ARHGAP10: variants seen among roughly 807,000 people sequenced by gnomAD.
ARHGAP10 encodes rho GTPase-activating protein 10.
In ARHGAP10, 87 loss-of-function variants were observed where a neutral mutation model predicts 108.6. The observed-to-expected ratio is 0.80, with a 90% CI of 0.67 to 0.96. The LOEUF is 0.96. Among genes scored for constraint, ARHGAP10 ranks in the 40% least tolerant of loss-of-function variants. The pLI, the probability that ARHGAP10 is intolerant of heterozygous loss-of-function variation, is 0.00. For missense variants in ARHGAP10, 939 were observed against 954.5 expected, an observed-to-expected ratio of 0.98 and a Z score of 0.21; for synonymous variants, 347 against 341.1, an observed-to-expected ratio of 1.02 and a Z score of -0.19.
chr4:147,960,459 G>A (rs1738950167), intron 16 of ARHGAP10, among the ~76,000 whole-genome samples: 1 of 152,030 alleles, frequency 6.6e-6, no homozygotes, highest in Non-Finnish European at 1.5e-5. Context: ...ATGGTAAGGT[G>A]TTCCATTTAA....
intron 18 of ARHGAP10, among the ~76,000 whole-genome samples, chr4:147,994,481 C>T (rs1740398652): frequency 1.3e-5 from 2 of 152,152 alleles, no homozygotes; most frequent in South Asian, 2.1e-4. Flanking sequence ...AAGTAAATCT[C>T]TAAAGTAGTT....
chr4:147,870,976 T>TGTGTGTGTGTGTG (rs1734796441), intron 7 of ARHGAP10, among the ~76,000 whole-genome samples: 2 of 93,048 alleles, frequency 2.1e-5, no homozygotes, highest in African/African-American at 4.0e-5. Flanking sequence ...GTGTGTGTGT[T>TGTGTGTGTGTGTG]TGAGATGGAG....
chr4:147,999,477 C>T (rs983336022), intron 18 of ARHGAP10, among the ~76,000 whole-genome samples: 2 of 152,242 alleles, frequency 1.3e-5, no homozygotes, highest in Non-Finnish European at 2.9e-5. Flanking sequence ...CCACCACTGA[C>T]TTCCATCCCT....
At chr4:147,741,792 G>GCGCACA (rs984531598) in intron 1 of ARHGAP10, among the ~76,000 whole-genome samples, 12 of 57,576 alleles carry the variant, frequency 2.1e-4, no homozygotes, top group African/African-American at 4.1e-4. Context: ...ACACACACAC[G>GCGCACA]CACACACACA....
chr4:147,960,048 C>T (rs1454825609), intron 16 of ARHGAP10, among the ~76,000 whole-genome samples: 3 of 152,124 alleles, frequency 2.0e-5, no homozygotes, highest in Non-Finnish European at 2.9e-5. Context: ...TTTGCAGAGT[C>T]TCTGCTTTAA....
chr4:148,055,797 T>C (rs1729337908), intron 20 of ARHGAP10, among the ~76,000 whole-genome samples: 1 of 152,168 alleles, frequency 6.6e-6, no homozygotes, highest in Non-Finnish European at 1.5e-5. Context: ...GATGATCTTA[T>C]ACAGTTGAAG....
chr4:147,816,147 A>T (rs563606637), intron 1 of ARHGAP10, among the ~76,000 whole-genome samples: 24 of 152,078 alleles, frequency 1.6e-4, no homozygotes, highest in Non-Finnish European at 2.9e-4. Context: ...TCCCATCCTG[A>T]TGTGGCAGGT....
At chr4:147,933,163 T>C (rs1260234609) in intron 13 of ARHGAP10, among the ~76,000 whole-genome samples, 1 of 152,244 alleles carries the variant, frequency 6.6e-6, no homozygotes, top group Non-Finnish European at 1.5e-5. Flanking sequence ...GGTTGGTCTC[T>C]GGTGCCTTAT....
chr4:147,820,783 G>T (rs1030736844), intron 1 of ARHGAP10, among the ~76,000 whole-genome samples: 3 of 151,708 alleles, frequency 2.0e-5, no homozygotes, highest in Non-Finnish European at 4.4e-5. Context: ...TAGAGATAGG[G>T]TTTCACCATG....
At position 147,966,661 on chromosome 4, in the gene ARHGAP10, C is replaced by A. The variant is rs1324830655; in HGVS notation, c.1557-19C>A. ...TGCTCCTTTGGTTAAACAGATTCCT[C>A]CCCCCTTACCAATTTCAGTGTTTCA... On this transcript the variant is annotated intron_variant, in intron 17 of 22. Transcript: ENST00000336498. 2 of 1,538,062 alleles carry A rather than the reference C, an allele frequency of 1.3e-6. No homozygotes were observed. The highest frequency in any genetic ancestry group is 8.8e-7 in the Non-Finnish European group (1 of 1,133,536).
intron 10 of ARHGAP10, among the ~76,000 whole-genome samples, chr4:147,895,059 G>A (rs1735933055): frequency 6.6e-6 from 1 of 151,996 alleles, no homozygotes; most frequent in Non-Finnish European, 1.5e-5. Context: ...GGTCAATATT[G>A]TGAATATAGA....
chr4:147,988,601 G>T (rs1740132887), intron 18 of ARHGAP10, among the ~76,000 whole-genome samples: 1 of 152,202 alleles, frequency 6.6e-6, no homozygotes, highest in Admixed American at 6.5e-5. Context: ...ACACCAAAAA[G>T]TGTACACTTT....
At chr4:147,863,787 C>T (rs1734425690) in intron 5 of ARHGAP10, 1 of 152,172 alleles carries the variant, frequency 6.6e-6, no homozygotes, top group African/African-American at 2.4e-5. Context: ...AGCTTAGTAA[C>T]ACGTTATGTT....
intron 18 of ARHGAP10, among the ~76,000 whole-genome samples, chr4:147,998,316 G>A (rs1740560060): frequency 1.3e-5 from 2 of 152,136 alleles, no homozygotes; most frequent in Admixed American, 6.5e-5. Context: ...AAATCTGAAT[G>A]AAGTTAGTGA....
intron 8 of ARHGAP10, among the ~76,000 whole-genome samples, chr4:147,878,887 C>G (rs537234606): frequency 6.6e-6 from 1 of 151,786 alleles, no homozygotes; most frequent in South Asian, 2.1e-4. Context: ...CACCATTCTC[C>G]TGCCTCAGCC....
chr4:147,865,167 C>G, intron 6 of ARHGAP10: 1 of 447,732 alleles, frequency 2.2e-6, no homozygotes, highest in Non-Finnish European at 4.0e-6. Flanking sequence ...TGATAATACA[C>G]GTAATATTCC....
chr4:148,019,901 A>G (rs1741500093), intron 18 of ARHGAP10, among the ~76,000 whole-genome samples: 1 of 152,192 alleles, frequency 6.6e-6, no homozygotes, highest in Non-Finnish European at 1.5e-5. Flanking sequence ...ATGATAGCTT[A>G]GCTTTCTGAA....
chr4:148,033,287 C>G (rs1397965322), intron 19 of ARHGAP10, among the ~76,000 whole-genome samples: 1 of 152,196 alleles, frequency 6.6e-6, no homozygotes, highest in Non-Finnish European at 1.5e-5. Context: ...CAAACACAGT[C>G]AGATGATGCA....
At chr4:148,019,461 T>A (rs1382948233) in intron 18 of ARHGAP10, among the ~76,000 whole-genome samples, 2 of 152,140 alleles carry the variant, frequency 1.3e-5, no homozygotes, top group Non-Finnish European at 2.9e-5. Context: ...AAGAAATAAG[T>A]CTGGCCCGGC....
Sources: allele counts gnomAD v4.1 joint callset (sites outside exome capture counted in the v4.1 genomes callset), GRCh38; gene constraint gnomAD v4.1.1; transcripts MANE v1.5; gene names NCBI Gene and HGNC (gene_info 2026-07-23, HGNC 2026-07-21).